The following SMAP1 variants were observed in gnomAD, a reference collection of about 807,000 sequenced individuals.
The protein encoded by SMAP1 is small ArfGAP 1, also known as stromal membrane-associated protein 1.
A neutral mutation model predicts 58.5 loss-of-function variants in SMAP1; 24 were observed. The observed-to-expected ratio is 0.41, with a 90% CI of 0.30 to 0.58. The LOEUF is 0.58. SMAP1 is among the 20% of genes least tolerant of loss of function. The pLI is 0.29. For missense variants in SMAP1, 563 were observed against 566.3 expected, an observed-to-expected ratio of 0.99 and a Z score of 0.06; for synonymous variants, 216 against 196.6, an observed-to-expected ratio of 1.10 and a Z score of -0.82.
chr6:70,743,297 CAGTT>C (rs1428331175), intron 2 of SMAP1, among the ~76,000 whole-genome samples: 3 of 152,142 alleles, frequency 2.0e-5, no homozygotes, highest in East Asian at 1.9e-4. Context: ...TGGGGATAAT[CAGTT>C]AGTTAGTTTT....
In SMAP1 at chr6:70,736,326, G is replaced by GTACTTCTCAA. The variant is rs1347630392; in HGVS notation, c.252+3816_252+3825dup. Among the ~76,000 whole-genome samples the GTACTTCTCAA allele has an allele frequency of 2.0e-5, 3 of 152,128 alleles. No individual in the cohort carries two copies. In the East Asian group the frequency reaches 5.8e-4, roughly 29 times the overall value. The stretch of plus-strand genomic sequence containing the variant: ...TGTTTGGTCTTGGGTTTATTGTCAC[G>GTACTTCTCAA]TACTTCTCAAATTTTTGGAAAGGAC... On this transcript the variant is annotated intron_variant, in intron 2 of 10. Transcript: ENST00000370455.
intron 2 of SMAP1, among the ~76,000 whole-genome samples, chr6:70,753,657 T>C (rs181224186): frequency 2.0e-5 from 3 of 152,272 alleles, no homozygotes; most frequent in African/African-American, 7.2e-5. Context: ...CACTGTGATG[T>C]CATAGAGCCC....
intron 2 of SMAP1, among the ~76,000 whole-genome samples, chr6:70,748,864 C>T (rs1766155862): frequency 6.6e-6 from 1 of 151,900 alleles, no homozygotes; most frequent in African/African-American, 2.4e-5. Flanking sequence ...TATATTTTTC[C>T]TCACATATTT....
chr6:70,713,210 A>C (rs1162622567), intron 1 of SMAP1, among the ~76,000 whole-genome samples: 1 of 151,848 alleles, frequency 6.6e-6, no homozygotes, highest in Non-Finnish European at 1.5e-5. Context: ...TTATTTTCTC[A>C]ACAACCAACT....
chr6:70,711,442 G>A (rs192232786), intron 1 of SMAP1, among the ~76,000 whole-genome samples: 52 of 151,782 alleles, frequency 3.4e-4, no homozygotes, highest in Non-Finnish European at 7.1e-4. Context: ...CTTTCAGATC[G>A]ATCACTATTG....
At chr6:70,812,094 T>A (rs184394782) in intron 6 of SMAP1, among the ~76,000 whole-genome samples, 1 of 152,330 alleles carries the variant, frequency 6.6e-6, no homozygotes, top group East Asian at 1.9e-4. Flanking sequence ...TCCCATTTAA[T>A]AGTTTGTGAC....
At chr6:70,762,555 A>G (rs1766794468) in intron 3 of SMAP1, among the ~76,000 whole-genome samples, 1 of 152,162 alleles carries the variant, frequency 6.6e-6, no homozygotes, top group African/African-American at 2.4e-5. Context: ...ACTGAGAGCA[A>G]CCAAAGATAT....
At chr6:70,775,269 G>A (rs1003775585) in intron 4 of SMAP1, among the ~76,000 whole-genome samples, 2 of 151,930 alleles carry the variant, frequency 1.3e-5, no homozygotes, top group Admixed American at 1.3e-4. Flanking sequence ...GTTTATTTTA[G>A]GGAACATACT....
intron 7 of SMAP1, among the ~76,000 whole-genome samples, chr6:70,847,931 A>C (rs1454633835): frequency 6.6e-6 from 1 of 152,128 alleles, no homozygotes; most frequent in African/African-American, 2.4e-5. Flanking sequence ...ATGTGTGTGC[A>C]TGCACCAACA....
intron 6 of SMAP1, among the ~76,000 whole-genome samples, chr6:70,819,945 G>C (rs1185806054): frequency 9.9e-5 from 15 of 152,124 alleles, no homozygotes; most frequent in Admixed American, 9.8e-4. Flanking sequence ...TCTATTTCCT[G>C]CCCATAAGGC....
In SMAP1 at chr6:70,732,439, T is replaced by C; in HGVS notation, c.180T>C (p.His60=). The stretch of plus-strand genomic sequence containing the variant: ...TTTGCATCAGATGTGCTGGAATTCA[T>C]AGAAATCTTGGGGTTCATATATCCA... ...VFICIRCAGI[H]RNLGVHISRV... The change falls in exon 2 of 11, where the codon CAT becomes CAC. Residue 60 remains histidine, a synonymous_variant. Transcript: ENST00000370455. 6.2e-7 allele frequency: 1 copy of C among 1,613,108 alleles called. No homozygotes were observed. The highest frequency in any genetic ancestry group is 1.1e-5 in the South Asian group (1 of 90,986).
chr6:70,776,737 G>A (rs912338354), intron 4 of SMAP1, among the ~76,000 whole-genome samples: 3 of 152,084 alleles, frequency 2.0e-5, no homozygotes, highest in Non-Finnish European at 4.4e-5. Context: ...ATGAGAACAC[G>A]TGGCATTTAT....
rs151243111 is a variant in SMAP1 at position 70,812,129 on chromosome 6, C to T, written c.576+13392C>T. Among the ~76,000 whole-genome samples the T allele has an allele frequency of 2.0e-3, 302 of 152,260 alleles. 1 individual carries two copies. Among genetic ancestry groups the T allele is most frequent in the African/African-American group, 7.0e-3 (291 of 41,542 alleles). ...CTGTGATTGTAGGTAATTGAAGACA[C>T]TGAAAGCAAAACGTTAGGTAAGGGG... On this transcript the variant is annotated intron_variant, in intron 6 of 10. Coordinates refer to ENST00000370455, the MANE Select transcript of SMAP1 (RefSeq NM_001044305.3).
intron 6 of SMAP1, among the ~76,000 whole-genome samples, chr6:70,799,398 G>A (rs1254578742): frequency 6.6e-6 from 1 of 152,086 alleles, no homozygotes; most frequent in African/African-American, 2.4e-5. Context: ...AATTATTTTA[G>A]CAGTGATATG....
intron 4 of SMAP1, among the ~76,000 whole-genome samples, chr6:70,783,052 C>A (rs1352881202): frequency 6.6e-6 from 1 of 152,170 alleles, no homozygotes; most frequent in Non-Finnish European, 1.5e-5. Flanking sequence ...GGCAGACTGA[C>A]ACCTCACACG....
intron 10 of SMAP1, chr6:70,859,202 C>A: frequency 1.7e-6 from 1 of 598,348 alleles, no homozygotes; most frequent in Non-Finnish European, 2.9e-6. Context: ...TGGTCTCTAC[C>A]CGCTGGGAAT....
intron 1 of SMAP1, among the ~76,000 whole-genome samples, chr6:70,686,573 AAACAC>A (rs1461610722): frequency 6.6e-6 from 1 of 152,196 alleles, no homozygotes; most frequent in Non-Finnish European, 1.5e-5. Flanking sequence ...ATTTTTGAAA[AAACAC>A]ACATTTCTTT....
intron 8 of SMAP1, among the ~76,000 whole-genome samples, chr6:70,854,138 C>T (rs189181585): frequency 6.5e-4 from 99 of 152,248 alleles, no homozygotes; most frequent in African/African-American, 2.2e-3. Context: ...TGGCAGCTGG[C>T]CTTCAGACTT....
At chr6:70,812,306 A>G (rs181213562) in intron 6 of SMAP1, among the ~76,000 whole-genome samples, 3 of 152,344 alleles carry the variant, frequency 2.0e-5, no homozygotes, top group Admixed American at 6.5e-5. Flanking sequence ...TTTCTTAATT[A>G]TAAGTTATCC....
Sources: gnomAD v4.1 joint callset for allele counts (sites outside exome capture counted in the v4.1 genomes callset) on GRCh38, gnomAD v4.1.1 for gene constraint, MANE v1.5 for transcripts, NCBI Gene and HGNC (gene_info 2026-07-23, HGNC 2026-07-21) for gene names.